AKAP13: variants seen among roughly 807,000 people sequenced by gnomAD.
AKAP13 encodes the protein A-kinase anchoring protein 13, also known as A-kinase anchor protein 13.
Under a neutral mutation model 264.5 loss-of-function variants are expected in AKAP13, and 80 were observed. The observed-to-expected ratio is 0.30, with a 90% confidence interval of 0.25 to 0.36. The LOEUF is 0.36. Ranked by LOEUF, AKAP13 falls within the 10% of genes least tolerant of loss-of-function variation. The pLI is 1.00. For missense variants in AKAP13, 3,712 were observed against 3,435.2 expected (o/e 1.08, Z -2.01); for synonymous variants, 1,380 against 1,250.2 (o/e 1.10, Z -2.19).
At chr15:85,491,337 C>A (rs536908242) in intron 2 of AKAP13, among the ~76,000 whole-genome samples, 1 of 151,908 alleles carries the variant, frequency 6.6e-6, no homozygotes, top group African/African-American at 2.4e-5. Context: ...GATCTGCTGA[C>A]CCTGGGCAGA....
intron 8 of AKAP13, among the ~76,000 whole-genome samples, chr15:85,622,921 T>C (rs974992942): frequency 1.3e-5 from 2 of 152,236 alleles, no homozygotes; most frequent in Admixed American, 6.5e-5. Context: ...TCTTAGACTT[T>C]TGTTCTCTTC....
At chr15:85,648,680 A>C (rs1268725880) in intron 10 of AKAP13, among the ~76,000 whole-genome samples, 1 of 152,134 alleles carries the variant, frequency 6.6e-6, no homozygotes, top group African/African-American at 2.4e-5. Flanking sequence ...CTCTACAAAA[A>C]ATACCAAAAT....
rs1398410894 is a variant in AKAP13 at position 85,630,160 on chromosome 15, A to AAC, written c.4162-9210_4162-9209dup. Among the ~76,000 whole-genome samples the AAC allele has an allele frequency of 1.4e-4, 16 of 112,364 alleles. No homozygotes were observed. In the Admixed American group the frequency reaches 1.5e-3, roughly 11 times the overall value. 73.7% of individuals were successfully genotyped at this position (112,364 alleles called of 152,430 possible). On this transcript the variant is annotated intron_variant, in intron 8 of 36. Coordinates refer to ENST00000394518, the MANE Select transcript of AKAP13 (RefSeq NM_007200.5). Reference sequence around the variant, plus strand: ...CTGACTTCTCTATTCTCTGTTTTTTAACACATACACACACACACACACACA... The same window carrying AAC: ...CTGACTTCTCTATTCTCTGTTTTTTAACACACATACACACACACACACACACA...
At chr15:85,628,017 G>T (rs1396277453) in intron 8 of AKAP13, among the ~76,000 whole-genome samples, 2 of 152,150 alleles carry the variant, frequency 1.3e-5, no homozygotes, top group Non-Finnish European at 2.9e-5. Context: ...TCATGCTGGG[G>T]ACTTTCTTTT....
At chr15:85,593,201 A>G (rs2079658050) in intron 8 of AKAP13, among the ~76,000 whole-genome samples, 2 of 152,086 alleles carry the variant, frequency 1.3e-5, no homozygotes, top group Non-Finnish European at 2.9e-5. Flanking sequence ...AATCCCAGCT[A>G]CTTGGGAGGC....
intron 14 of AKAP13, among the ~76,000 whole-genome samples, chr15:85,678,747 T>C (rs1270698657): frequency 6.6e-6 from 1 of 151,988 alleles, no homozygotes; most frequent in Admixed American, 6.6e-5. Flanking sequence ...TGGGCACCTG[T>C]AGTCGCAGTT....
intron 7 of AKAP13, among the ~76,000 whole-genome samples, chr15:85,583,553 C>T (rs748705940): frequency 6.6e-6 from 1 of 152,078 alleles, no homozygotes. Context: ...TTTTGGGGGC[C>T]CTGGCAGGTT....
intron 2 of AKAP13, among the ~76,000 whole-genome samples, chr15:85,487,217 G>A (rs540228128): frequency 2.1e-4 from 32 of 152,250 alleles, no homozygotes; most frequent in African/African-American, 7.0e-4. Context: ...ATCAGAGATC[G>A]TTTTCTTCCT....
chr15:85,483,920 C>CT (rs1165743417), intron 1 of AKAP13, among the ~76,000 whole-genome samples: 1 of 151,940 alleles, frequency 6.6e-6, no homozygotes, highest in African/African-American at 2.4e-5. Context: ...CAACACAATT[C>CT]TTCTTCTTCC....
intron 5 of AKAP13, among the ~76,000 whole-genome samples, chr15:85,559,358 T>A (rs979060840): frequency 6.6e-6 from 1 of 152,212 alleles, no homozygotes; most frequent in African/African-American, 2.4e-5. Context: ...TCCCCAATTT[T>A]TTTTGGCACC....
chr15:85,656,547 C>T (rs2083103503), intron 11 of AKAP13, among the ~76,000 whole-genome samples: 1 of 152,134 alleles, frequency 6.6e-6, no homozygotes, highest in Admixed American at 6.5e-5. Context: ...CCCGGGTTCA[C>T]TCCATTCTCC....
intron 31 of AKAP13, 80 bp downstream of exon 31, chr15:85,735,230 G>T: frequency 6.5e-7 from 1 of 1,531,278 alleles, no homozygotes; most frequent in Non-Finnish European, 8.8e-7. Context: ...TACTTTAGTA[G>T]CTACATCACC....
intron 16 of AKAP13, among the ~76,000 whole-genome samples, chr15:85,688,558 T>C (rs1382827052): frequency 1.3e-5 from 2 of 152,222 alleles, no homozygotes; most frequent in African/African-American, 2.4e-5. Context: ...TTTATGAAAA[T>C]AGGTTATAGT....
intron 1 of AKAP13, among the ~76,000 whole-genome samples, chr15:85,471,044 G>T (rs1235113071): frequency 1.3e-5 from 2 of 152,048 alleles, no homozygotes; most frequent in Admixed American, 1.3e-4. Context: ...GCCTCTTGTT[G>T]CCAGCCTGTT....
Position 85,723,301 on chromosome 15 carries a change from T to C in AKAP13, c.6726T>C (p.Asn2242=), listed in dbSNP as rs367699145. The C allele has an allele frequency of 6.2e-7, 1 of 1,614,114 alleles. No homozygotes were observed. Among genetic ancestry groups the C allele is most frequent in the African/African-American group, 1.3e-5 (1 of 75,050 alleles). The change falls in exon 26 of 37, where the codon AAT becomes AAC. Residue 2242 remains asparagine (N), a synonymous_variant. Transcript: ENST00000394518. ...GTGATGGGAGTGTGTTTCTGAAGAATGCAGCAGGAAGGTTGAAAGGTAAGG... is the reference window on the plus strand; with the variant it reads ...GTGATGGGAGTGTGTTTCTGAAGAACGCAGCAGGAAGGTTGAAAGGTAAGG... The part of the protein sequence containing the change: ...LVRDGSVFLK[N]AAGRLKEVQA...
At chr15:85,548,918 T>C (rs2077852688) in intron 5 of AKAP13, among the ~76,000 whole-genome samples, 1 of 151,768 alleles carries the variant, frequency 6.6e-6, no homozygotes, top group South Asian at 2.1e-4. Context: ...TTTTTTTTTT[T>C]TTGGTCTCAC....
At position 85,399,527 on chromosome 15, in the gene AKAP13, A is replaced by ATAAAT. The variant is rs2071310375; in HGVS notation, c.-12+18729_-12+18730insTAAAT. On this transcript the variant is annotated intron_variant, in intron 1 of 36. Transcript: ENST00000394518. ...CAAAAAAAAAAAAAAAAAAAATAAA[A>ATAAAT]AAATAAAAAAATAAATAAATAAATA... Among the ~76,000 whole-genome samples the ATAAAT allele has an allele frequency of 1.5e-4, 17 of 114,740 alleles. 1 individual carries two copies. Among genetic ancestry groups the ATAAAT allele is most frequent in the African/African-American group, 5.8e-4 (16 of 27,546 alleles). 75.3% of individuals were successfully genotyped at this position (114,740 alleles called of 152,430 possible).
In AKAP13 at chr15:85,717,337, A is replaced by G; in HGVS notation, c.5783A>G (p.His1928Arg). 6.2e-7 allele frequency: 1 copy of G among 1,613,146 alleles called. No homozygotes were observed. Among genetic ancestry groups the G allele is most frequent in the Admixed American group, 1.7e-5 (1 of 59,642 alleles). Residue 1928 changes from histidine (H) to arginine (R), a missense_variant, in exon 21 of 37, where the codon CAT becomes CGT. By Grantham distance (29) the His-to-Arg change is conservative. Transcript: ENST00000394518. ...TCAAACACCTGGAAATTCCTGTCTCATTCAACAGACTCACTAAATAAAATC... is the reference window on the plus strand; with the variant it reads ...TCAAACACCTGGAAATTCCTGTCTCGTTCAACAGACTCACTAAATAAAATC... ...NMSNTWKFLS[H>R]STDSLNKISK...
At chr15:85,593,386 G>T (rs971869035) in intron 8 of AKAP13, among the ~76,000 whole-genome samples, 6 of 151,992 alleles carry the variant, frequency 3.9e-5, no homozygotes, top group South Asian at 2.1e-4. Context: ...GGACCAAAAG[G>T]ACAATCATGA....
Sources: gnomAD v4.1 joint callset for allele counts (sites outside exome capture counted in the v4.1 genomes callset) on GRCh38, gnomAD v4.1.1 for gene constraint, MANE v1.5 for transcripts, NCBI Gene and HGNC (gene_info 2026-07-23, HGNC 2026-07-21) for gene names.